The following VPS13C variants were observed in gnomAD, a reference collection of about 807,000 sequenced individuals.
VPS13C encodes the protein vacuolar protein sorting 13 homolog C, also known as intermembrane lipid transfer protein VPS13C.
In VPS13C, 358 loss-of-function variants were observed where a neutral mutation model predicts 456.8. That is an observed-to-expected ratio of 0.78 (90% CI 0.72 to 0.86). VPS13C has a LOEUF of 0.86. Among genes scored for constraint, VPS13C ranks in the 40% least tolerant of loss-of-function variants. The pLI, the probability that VPS13C is intolerant of heterozygous loss-of-function variation, is 0.00. For synonymous variants in VPS13C, 1,578 were observed against 1,486.7 expected (o/e 1.06, Z -1.41); for missense variants, 4,818 against 4,385.4 (o/e 1.10, Z -2.79).
chr15:61,961,340 C>G (rs1055470951), intron 35 of VPS13C, among the ~76,000 whole-genome samples: 24 of 149,532 alleles, frequency 1.6e-4, no homozygotes, highest in African/African-American at 5.9e-4. Context: ...TGCAGTGAGC[C>G]GAGATCACGC....
rs117831769 is a variant in VPS13C, at chr15:61,924,606, T to C, written c.6609+850A>G. 4.0e-3 allele frequency among the ~76,000 whole-genome samples: 613 copies of C among 152,374 alleles called. 9 individuals are homozygous for C. The highest frequency in any genetic ancestry group is 0.019 in the East Asian group (97 of 5,188). On this transcript the variant is annotated intron_variant, in intron 53 of 84. Coordinates refer to ENST00000644861, the MANE Select transcript of VPS13C (RefSeq NM_020821.3). ...TAAAATATGCAAATTCGAGGAGTTT[T>C]TCCCTCATTTACTACTTTATATATT... is the stretch of plus-strand genomic sequence containing the variant.
At position 61,991,693 on chromosome 15, in the gene VPS13C, T is replaced by C; in HGVS notation, c.1463A>G (p.Glu488Gly). Residue 488 changes from glutamate to glycine, a missense_variant, in exon 17 of 85, where the codon GAA (glutamate) becomes GGA (glycine). Transcript: ENST00000644861. ...CTTACTTTCAGGAATCAATGATTCTTCGTCCTTTTTCTTAGACTCTTTCTT... is the reference window on the plus strand; with the variant it reads ...CTTACTTTCAGGAATCAATGATTCTCCGTCCTTTTTCTTAGACTCTTTCTT... The part of the protein sequence containing the change: ...WGKKESKKKD[E>G]ESLIPETIDD... 1 of 1,612,468 alleles carries C rather than the reference T, an allele frequency of 6.2e-7. No homozygotes were observed. The highest frequency in any genetic ancestry group is 8.5e-7 in the Non-Finnish European group (1 of 1,179,156).
intron 49 of VPS13C, among the ~76,000 whole-genome samples, chr15:61,933,955 G>A (rs1044641605): frequency 4.6e-5 from 7 of 151,816 alleles, no homozygotes; most frequent in African/African-American, 1.7e-4. Flanking sequence ...TCTTCTGTTG[G>A]TAATAAATCA....
chr15:62,015,794 G>C (rs796459493), intron 9 of VPS13C, among the ~76,000 whole-genome samples: 73 of 106,754 alleles, frequency 6.8e-4, no homozygotes, highest in African/African-American at 2.6e-3. Flanking sequence ...GGGGAGGGGG[G>C]AGGGGGGAGG....
chr15:61,926,914 A>G (rs1040766436), intron 52 of VPS13C, among the ~76,000 whole-genome samples, 177 bp downstream of exon 52: 1 of 152,258 alleles, frequency 6.6e-6, no homozygotes, highest in Admixed American at 6.5e-5. Flanking sequence ...TTCTGTCACT[A>G]GCAGCCATGG....
At chr15:61,894,036 T>A (rs1361860832) in intron 66 of VPS13C, among the ~76,000 whole-genome samples, 1 of 152,164 alleles carries the variant, frequency 6.6e-6, no homozygotes, top group Non-Finnish European at 1.5e-5. Flanking sequence ...CCAGGCACAG[T>A]GGCTCATGCC....
chr15:62,053,496 A>G (rs1596541778), intron 1 of VPS13C, among the ~76,000 whole-genome samples: 1 of 152,234 alleles, frequency 6.6e-6, no homozygotes, highest in East Asian at 1.9e-4. Context: ...GGAAAGATAA[A>G]GATACATTAT....
At chr15:61,987,063 G>A (rs1826620438) in intron 18 of VPS13C, among the ~76,000 whole-genome samples, 2 of 151,940 alleles carry the variant, frequency 1.3e-5, no homozygotes, top group Non-Finnish European at 2.9e-5. Flanking sequence ...TGGAATATTC[G>A]ATATTGCTAA....
At chr15:61,944,292 A>G (rs774767889) in intron 45 of VPS13C, among the ~76,000 whole-genome samples, 23 of 152,166 alleles carry the variant, frequency 1.5e-4, no homozygotes, top group Admixed American at 2.6e-4. Flanking sequence ...TGGGTATATA[A>G]CCAAAAGAAA....
At position 61,947,434 on chromosome 15, in the gene VPS13C, A is replaced by C. The variant is rs2044644436; in HGVS notation, c.4760-125T>G. 4.9e-6 allele frequency: 3 copies of C among 615,724 alleles called. No homozygotes were observed. The Admixed American group carries it at 9.6e-5, about 20-fold the overall frequency. 38.1% of individuals were successfully genotyped at this position (615,724 alleles called of 1,614,324 possible). ...TGAGGAACCAAAATGCCCTCCATTA[A>C]GATAACATGTAATTAACATAAATTT... On this transcript the variant is annotated intron_variant, in intron 42 of 84. Coordinates refer to ENST00000644861, the MANE Select transcript of VPS13C (RefSeq NM_020821.3).
intron 9 of VPS13C, among the ~76,000 whole-genome samples, chr15:62,014,627 G>C (rs1337459725): frequency 6.6e-6 from 1 of 152,130 alleles, no homozygotes; most frequent in Admixed American, 6.6e-5. Flanking sequence ...TACTATTGCT[G>C]TAGTTGTTAT....
Position 61,981,484 on chromosome 15 carries a change from G to T in VPS13C, c.2030-6C>A, listed in dbSNP as rs1199486507. 1 of 1,579,368 alleles carries T rather than the reference G, an allele frequency of 6.3e-7. No individual in the cohort carries two copies. Among genetic ancestry groups the T allele is most frequent in the Non-Finnish European group, 8.6e-7 (1 of 1,167,444 alleles). ...TTCAATAATATGTGTAAGTCCTAAA[G>T]ACGTAAGAAATAATGACAGATTAGA... On this transcript the variant is annotated splice_polypyrimidine_tract_variant and splice_region_variant and intron_variant, in intron 21 of 84. Coordinates refer to ENST00000644861, the MANE Select transcript of VPS13C (RefSeq NM_020821.3).
intron 22 of VPS13C, among the ~76,000 whole-genome samples, chr15:61,981,130 A>G (rs1353658280): frequency 6.6e-6 from 1 of 152,220 alleles, no homozygotes; most frequent in East Asian, 1.9e-4. Flanking sequence ...CTTACTGTCA[A>G]ATCACCCTAC....
Position 61,979,813 on chromosome 15 carries a change from G to A in VPS13C, c.2167-1064C>T, listed in dbSNP as rs184732358. Among the ~76,000 whole-genome samples the A allele has an allele frequency of 1.1e-4, 17 of 152,224 alleles. No individual in the cohort carries two copies. In the East Asian group the frequency reaches 3.3e-3, roughly 29 times the overall value. On this transcript the variant is annotated intron_variant, in intron 22 of 84. Coordinates refer to ENST00000644861, the MANE Select transcript of VPS13C (RefSeq NM_020821.3). ...GCGCTCAAATCAGCTACAGACAAGGGTAGAGCTTTCAATGGAAATTTTAAA... is the reference window on the plus strand; with the variant it reads ...GCGCTCAAATCAGCTACAGACAAGGATAGAGCTTTCAATGGAAATTTTAAA...
intron 47 of VPS13C, among the ~76,000 whole-genome samples, chr15:61,940,184 T>C (rs2140253449): frequency 6.6e-6 from 1 of 152,264 alleles, no homozygotes; most frequent in Non-Finnish European, 1.5e-5. Flanking sequence ...ACGGGCCCTC[T>C]ACACATTTAA....
At chr15:62,026,668 C>T (rs1429594916) in intron 6 of VPS13C, among the ~76,000 whole-genome samples, 1 of 152,048 alleles carries the variant, frequency 6.6e-6, no homozygotes, top group East Asian at 1.9e-4. Flanking sequence ...AACATCTGCA[C>T]AAGTAATTTT....
At chr15:62,054,382 A>T (rs983125581) in intron 1 of VPS13C, among the ~76,000 whole-genome samples, 4 of 152,228 alleles carry the variant, frequency 2.6e-5, no homozygotes, top group African/African-American at 9.6e-5. Context: ...GGTTTTTTTT[A>T]AAAGAAATTT....
intron 1 of VPS13C, among the ~76,000 whole-genome samples, chr15:62,056,324 G>C (rs2048797220): frequency 6.6e-6 from 1 of 152,086 alleles, no homozygotes; most frequent in Non-Finnish European, 1.5e-5. Flanking sequence ...AATAATCCTC[G>C]CTGTACAATC....
At chr15:62,055,403 ATT>A (rs35306432) in intron 1 of VPS13C, among the ~76,000 whole-genome samples, 90 of 115,868 alleles carry the variant, frequency 7.8e-4, no homozygotes, top group Middle Eastern at 4.5e-3. Context: ...AATTTTTTGT[ATT>A]TTTTTTTTTT....
Sources: gnomAD v4.1 joint callset for allele counts (sites outside exome capture counted in the v4.1 genomes callset) on GRCh38, gnomAD v4.1.1 for gene constraint, MANE v1.5 for transcripts, NCBI Gene and HGNC (gene_info 2026-07-23, HGNC 2026-07-21) for gene names.